Variants in DYNC1I1 observed in about 807,000 individuals in gnomAD.
DYNC1I1 encodes dynein cytoplasmic 1 intermediate chain 1.
DYNC1I1 carries 43 observed loss-of-function variants against 86.6 expected under a neutral mutation model. The observed-to-expected ratio is 0.50, with a 90% CI of 0.39 to 0.64. The LOEUF is 0.64. Ranked by LOEUF, DYNC1I1 falls within the 30% of genes least tolerant of loss-of-function variation. The probability of loss-of-function intolerance (pLI) is 0.00; values close to 1 mark genes in which losing one functional copy is unlikely to be tolerated. For missense variants in DYNC1I1, 604 were observed against 788.8 expected (o/e 0.77, Z 2.81); for synonymous variants, 262 against 283.7 (o/e 0.92, Z 0.77).
At chr7:95,954,077 G>A (rs1792633123) in intron 6 of DYNC1I1, among the ~76,000 whole-genome samples, 1 of 152,012 alleles carries the variant, frequency 6.6e-6, no homozygotes, top group Non-Finnish European at 1.5e-5. Context: ...TGAACTCCAA[G>A]GCAGCAGTAG....
intron 10 of DYNC1I1, among the ~76,000 whole-genome samples, chr7:96,020,140 G>A (rs1347356974): frequency 6.6e-6 from 1 of 151,566 alleles, no homozygotes; most frequent in Non-Finnish European, 1.5e-5. Flanking sequence ...GTTGGTGGGG[G>A]ACATGGAGAA....
intron 6 of DYNC1I1, among the ~76,000 whole-genome samples, chr7:95,948,058 A>G (rs903453405): frequency 8.6e-5 from 13 of 151,080 alleles, no homozygotes; most frequent in Non-Finnish European, 1.9e-4. Flanking sequence ...GCTGAAATCA[A>G]TGCAAAGCCC....
intron 6 of DYNC1I1, among the ~76,000 whole-genome samples, chr7:95,877,204 A>G (rs1790332573): frequency 6.6e-6 from 1 of 152,162 alleles, no homozygotes; most frequent in African/African-American, 2.4e-5. Flanking sequence ...GTTTCAGAAG[A>G]TAAGTTCCAA....
intron 6 of DYNC1I1, among the ~76,000 whole-genome samples, chr7:95,872,622 A>T (rs1584113967): frequency 6.6e-6 from 1 of 152,096 alleles, no homozygotes; most frequent in South Asian, 2.1e-4. Context: ...TATGAGAAAC[A>T]CTCCAGACAG....
At chr7:95,862,086 T>C (rs1014019640) in intron 5 of DYNC1I1, among the ~76,000 whole-genome samples, 1 of 152,154 alleles carries the variant, frequency 6.6e-6, no homozygotes, top group Non-Finnish European at 1.5e-5. Flanking sequence ...GAGCTAAAAC[T>C]ATAAAATTCT....
chr7:95,843,702 GA>G (rs935688767), intron 5 of DYNC1I1, among the ~76,000 whole-genome samples: 1 of 150,028 alleles, frequency 6.7e-6, no homozygotes, highest in Admixed American at 6.6e-5. Flanking sequence ...ATGGCTTTCA[GA>G]AAAAAAAATG....
intron 15 of DYNC1I1, among the ~76,000 whole-genome samples, chr7:96,078,611 T>A (rs915713607): frequency 1.3e-5 from 2 of 152,156 alleles, no homozygotes; most frequent in African/African-American, 4.8e-5. Flanking sequence ...AGGTATTATT[T>A]TAAATGTGTC....
At chr7:95,815,599 T>A (rs1309748985) in intron 4 of DYNC1I1, among the ~76,000 whole-genome samples, 1 of 152,174 alleles carries the variant, frequency 6.6e-6, no homozygotes, top group Non-Finnish European at 1.5e-5. Context: ...TTTTTTAAAT[T>A]CCACTTTGAA....
In DYNC1I1 at chr7:95,883,787, T is replaced by C. The variant is rs559279403; in HGVS notation, c.490+13789T>C. ...TCTTTGAAGTATGAAAAAAGACCAC[T>C]GTGGAACTTCCTCTTAAAATCAGTT... On this transcript the variant is annotated intron_variant, in intron 6 of 16. Coordinates refer to ENST00000447467, the MANE Select transcript of DYNC1I1 (RefSeq NM_001135556.2). 7.7e-4 allele frequency among the ~76,000 whole-genome samples: 117 copies of C among 152,340 alleles called. 2 individuals are homozygous for C. The highest frequency in any genetic ancestry group is 2.7e-3 in the African/African-American group (113 of 41,570).
At chr7:95,937,200 G>A (rs933417940) in intron 6 of DYNC1I1, among the ~76,000 whole-genome samples, 17 of 151,912 alleles carry the variant, frequency 1.1e-4, no homozygotes, top group African/African-American at 3.6e-4. Flanking sequence ...TAAAGGGTAC[G>A]GAGTTTCAGT....
chr7:96,002,580 C>T (rs1293467814), intron 10 of DYNC1I1, among the ~76,000 whole-genome samples: 1 of 152,074 alleles, frequency 6.6e-6, no homozygotes, highest in East Asian at 1.9e-4. Flanking sequence ...TGAGTGTCAG[C>T]AATAATTATT....
At chr7:95,869,459 A>G (rs187454947) in intron 5 of DYNC1I1, among the ~76,000 whole-genome samples, 111 of 152,032 alleles carry the variant, frequency 7.3e-4, no homozygotes, top group Non-Finnish European at 1.0e-3. Context: ...GTGTTACACC[A>G]TTAAAGAACC....
At chr7:95,985,583 T>C (rs1002522930) in intron 8 of DYNC1I1, among the ~76,000 whole-genome samples, 2 of 152,160 alleles carry the variant, frequency 1.3e-5, no homozygotes, top group Non-Finnish European at 1.5e-5. Flanking sequence ...GCCATGACTG[T>C]CAACCATCAT....
intron 12 of DYNC1I1, among the ~76,000 whole-genome samples, chr7:96,033,964 C>T (rs993605940): frequency 6.6e-6 from 1 of 152,028 alleles, no homozygotes; most frequent in Non-Finnish European, 1.5e-5. Flanking sequence ...GAACTATTAT[C>T]ACACCACTGC....
chr7:95,941,002 G>C (rs1792198014), intron 6 of DYNC1I1, among the ~76,000 whole-genome samples: 3 of 152,306 alleles, frequency 2.0e-5, no homozygotes, highest in African/African-American at 7.2e-5. Flanking sequence ...CTGTTTGTTA[G>C]TTTTCCTTCT....
chr7:96,021,383 A>G (rs1794546688), intron 10 of DYNC1I1, among the ~76,000 whole-genome samples: 1 of 152,118 alleles, frequency 6.6e-6, no homozygotes, highest in Non-Finnish European at 1.5e-5. Context: ...CTCAGGAAGA[A>G]GGAAAGAGGG....
At chr7:95,837,386 A>C (rs1040371253) in intron 5 of DYNC1I1, among the ~76,000 whole-genome samples, 17 of 152,060 alleles carry the variant, frequency 1.1e-4, no homozygotes, top group Admixed American at 7.9e-4. Flanking sequence ...TCAGACAGGG[A>C]CATTTAAGTC....
intron 1 of DYNC1I1, among the ~76,000 whole-genome samples, chr7:95,797,616 C>A (rs1794473160): frequency 6.6e-6 from 1 of 152,164 alleles, no homozygotes; most frequent in South Asian, 2.1e-4. Flanking sequence ...TTAGGATAGA[C>A]CAATGGATTT....
intron 3 of DYNC1I1, 107 bp from the exon 4 acceptor site, chr7:95,813,140 A>T: frequency 1.3e-6 from 2 of 1,594,946 alleles, no homozygotes; most frequent in Non-Finnish European, 1.7e-6. Context: ...CTGGCCATAC[A>T]ACCACTTTAA....
Sources: allele counts gnomAD v4.1 joint callset (sites outside exome capture counted in the v4.1 genomes callset), GRCh38; gene constraint gnomAD v4.1.1; transcripts MANE v1.5; gene names NCBI Gene and HGNC (gene_info 2026-07-23, HGNC 2026-07-21).